Variants in LRRC3B observed in about 807,000 individuals in gnomAD.
LRRC3B encodes leucine-rich repeat-containing protein 3B.
A neutral mutation model predicts 12.8 loss-of-function variants in LRRC3B; 2 were observed. The ratio of observed to expected loss-of-function variants is 0.16; its 90% CI spans 0.06 to 0.49. The LOEUF (loss-of-function observed/expected upper bound fraction) is 0.49. LRRC3B is among the 20% of genes least tolerant of loss of function. The pLI, the probability that LRRC3B is intolerant of heterozygous loss-of-function variation, is 0.96. For synonymous variants in LRRC3B, 132 were observed against 122.0 expected, an observed-to-expected ratio of 1.08 and a Z score of -0.54; for missense variants, 189 against 319.4, an observed-to-expected ratio of 0.59 and a Z score of 3.11.
chr3:26,642,605 C>T (rs2125408740), intron 1 of LRRC3B, among the ~76,000 whole-genome samples: 1 of 152,208 alleles, frequency 6.6e-6, no homozygotes, highest in South Asian at 2.1e-4. Flanking sequence ...CCTCAGCCAC[C>T]CCGACCCCAC....
intron 1 of LRRC3B, among the ~76,000 whole-genome samples, chr3:26,641,299 T>TGGGGGGG (rs1407843907): frequency 6.6e-6 from 1 of 152,094 alleles, no homozygotes; most frequent in African/African-American, 2.4e-5. Context: ...ACACCCAGAC[T>TGGGGGGG]AGGAAACTGG....
intron 1 of LRRC3B, among the ~76,000 whole-genome samples, chr3:26,677,245 G>GT (rs113912532): frequency 4.6e-5 from 7 of 152,142 alleles, no homozygotes; most frequent in African/African-American, 1.4e-4. Context: ...AGGAAGCCAT[G>GT]TTTTTTTCTG....
intron 1 of LRRC3B, among the ~76,000 whole-genome samples, chr3:26,703,192 A>G (rs1169668142): frequency 6.6e-6 from 1 of 152,172 alleles, no homozygotes. Flanking sequence ...TTGATGGTTT[A>G]TGCAACCCAC....
At chr3:26,676,756 G>T (rs913937264) in intron 1 of LRRC3B, among the ~76,000 whole-genome samples, 1 of 152,176 alleles carries the variant, frequency 6.6e-6, no homozygotes, top group Non-Finnish European at 1.5e-5. Context: ...CCAAAGGATT[G>T]TAAATCATGC....
chr3:26,649,251 G>A (rs1699215600), intron 1 of LRRC3B, among the ~76,000 whole-genome samples: 1 of 152,146 alleles, frequency 6.6e-6, no homozygotes, highest in Non-Finnish European at 1.5e-5. Context: ...ACATCACACA[G>A]GTGATCCTTT....
chr3:26,636,914 C>CTT (rs1167303576), intron 1 of LRRC3B, among the ~76,000 whole-genome samples: 77 of 101,640 alleles, frequency 7.6e-4, no homozygotes, highest in African/African-American at 1.8e-3. Flanking sequence ...TTCTCTCTTT[C>CTT]TCTCTTTCTT....
At chr3:26,678,353 G>T (rs1344821160) in intron 1 of LRRC3B, among the ~76,000 whole-genome samples, 1 of 152,106 alleles carries the variant, frequency 6.6e-6, no homozygotes, top group Admixed American at 6.5e-5. Context: ...AATTAGCTGG[G>T]TGTGGTGGCA....
intron 1 of LRRC3B, among the ~76,000 whole-genome samples, chr3:26,693,802 C>T (rs1447693008): frequency 6.6e-6 from 1 of 152,050 alleles, no homozygotes; most frequent in Non-Finnish European, 1.5e-5. Flanking sequence ...TTTTCAAAGC[C>T]TTTAAGGGTA....
intron 1 of LRRC3B, among the ~76,000 whole-genome samples, chr3:26,692,637 C>G (rs1700215280): frequency 6.6e-6 from 1 of 152,032 alleles, no homozygotes; most frequent in Non-Finnish European, 1.5e-5. Flanking sequence ...GCATACTGTT[C>G]TGTTAGTTGT....
intron 1 of LRRC3B, among the ~76,000 whole-genome samples, chr3:26,652,498 C>T (rs562684471): frequency 7.2e-5 from 11 of 152,262 alleles, no homozygotes; most frequent in Middle Eastern, 3.4e-3. Context: ...GGTAGTAGAA[C>T]AGAGTCAGCT....
At chr3:26,697,331 A>G (rs990116660) in intron 1 of LRRC3B, among the ~76,000 whole-genome samples, 26 of 152,316 alleles carry the variant, frequency 1.7e-4, no homozygotes, top group African/African-American at 2.9e-4. Context: ...GTAGCTTGTC[A>G]GCACTTCTTG....
intron 1 of LRRC3B, among the ~76,000 whole-genome samples, chr3:26,703,580 C>G (rs953805270): frequency 3.3e-5 from 5 of 151,910 alleles, no homozygotes; most frequent in African/African-American, 9.7e-5. Flanking sequence ...GTGTACATTT[C>G]GTGTTCTTTG....
chr3:26,684,907 G>A (rs1700042056), intron 1 of LRRC3B, among the ~76,000 whole-genome samples: 1 of 152,004 alleles, frequency 6.6e-6, no homozygotes, highest in African/African-American at 2.4e-5. Context: ...CACATACAAT[G>A]GAGTGCTTGC....
intron 1 of LRRC3B, among the ~76,000 whole-genome samples, chr3:26,640,974 C>T (rs1448420241): frequency 6.6e-6 from 1 of 152,144 alleles, no homozygotes; most frequent in African/African-American, 2.4e-5. Context: ...TAGAATAATA[C>T]ATTTATTACT....
rs146923205 is a variant in LRRC3B, at chr3:26,685,265, ATTG to A, written c.-160-24239_-160-24237del. 1.7e-3 allele frequency among the ~76,000 whole-genome samples: 252 copies of A among 151,640 alleles called. 8 individuals carry two copies. In the East Asian group the frequency reaches 0.038, roughly 23 times the overall value. On this transcript the variant is annotated intron_variant, in intron 1 of 1. Coordinates refer to ENST00000396641, the Ensembl canonical transcript of LRRC3B. ...ACTGTGCCTGGCCCACATGGGGGTT[ATTG>A]TTGTTGTTTTTTGGCGGGTTTCATG... is the stretch of plus-strand genomic sequence containing the variant.
At chr3:26,700,362 GA>G (rs1700423276) in intron 1 of LRRC3B, among the ~76,000 whole-genome samples, 1 of 152,108 alleles carries the variant, frequency 6.6e-6, no homozygotes, top group Non-Finnish European at 1.5e-5. Flanking sequence ...GCCAGGAAAA[GA>G]GATATAGAAA....
At chr3:26,669,140 AT>A (rs1173526510) in intron 1 of LRRC3B, among the ~76,000 whole-genome samples, 4 of 152,172 alleles carry the variant, frequency 2.6e-5, no homozygotes, top group African/African-American at 9.7e-5. Flanking sequence ...GTCATTAGTT[AT>A]TTTTTTCAGT....
intron 1 of LRRC3B, among the ~76,000 whole-genome samples, chr3:26,706,372 T>C (rs1020744904): frequency 2.6e-5 from 4 of 152,270 alleles, no homozygotes; most frequent in East Asian, 1.9e-4. Flanking sequence ...CACTTTATTC[T>C]GGCTGGGGGT....
intron 1 of LRRC3B, among the ~76,000 whole-genome samples, chr3:26,643,654 G>T (rs1423973446): frequency 1.3e-5 from 2 of 152,160 alleles, no homozygotes; most frequent in Non-Finnish European, 2.9e-5. Context: ...TCTTCTGGAG[G>T]ACACAAGGAT....
Sources: gnomAD v4.1 joint callset for allele counts (sites outside exome capture counted in the v4.1 genomes callset) on GRCh38, gnomAD v4.1.1 for gene constraint, MANE v1.5 for transcripts, NCBI Gene and HGNC (gene_info 2026-07-23, HGNC 2026-07-21) for gene names.